NCAPD3: variants seen among roughly 807,000 people sequenced by gnomAD.
The protein encoded by NCAPD3 is non-SMC condensin II complex subunit D3, also known as condensin-2 complex subunit D3.
NCAPD3 carries 105 observed loss-of-function variants against 182.9 expected under a neutral mutation model. That is an observed-to-expected ratio of 0.57 (90% CI 0.49 to 0.68). The LOEUF (loss-of-function observed/expected upper bound fraction) is 0.68, where lower values mean the gene tolerates loss of function less well. Among genes scored for constraint, NCAPD3 ranks in the 30% least tolerant of loss-of-function variants. The pLI, the probability that NCAPD3 is intolerant of heterozygous loss-of-function variation, is 0.00. For missense variants in NCAPD3, 1,944 were observed against 1,837.0 expected (o/e 1.06, Z -1.07); for synonymous variants, 815 against 679.9 (o/e 1.20, Z -3.09).
chr11:134,156,504 CT>C (rs1421654578), intron 32 of NCAPD3, among the ~76,000 whole-genome samples: 1 of 152,202 alleles, frequency 6.6e-6, no homozygotes, highest in Non-Finnish European at 1.5e-5. Context: ...TAACTCACCT[CT>C]GTTTTGAAAT....
chr11:134,165,556 CACTT>C (rs1342433978), intron 27 of NCAPD3, among the ~76,000 whole-genome samples: 55 of 148,168 alleles, frequency 3.7e-4, no homozygotes, highest in South Asian at 1.5e-3. Context: ...GCAGCACACT[CACTT>C]GTGAGATGAG....
intron 29 of NCAPD3, 45 bp downstream of exon 29, chr11:134,159,847 G>A (rs745811999): frequency 2.5e-6 from 4 of 1,568,898 alleles, no homozygotes; most frequent in Admixed American, 1.8e-5. Flanking sequence ...GTAGCAGACA[G>A]CAGACTGGAC....
chr11:134,202,773 T>C (rs766644713), intron 13 of NCAPD3, 43 bp downstream of exon 13: 4 of 1,384,532 alleles, frequency 2.9e-6, no homozygotes, highest in Admixed American at 4.4e-5. Flanking sequence ...TTGTCTGAAA[T>C]CCAGCAGTAT....
intron 25 of NCAPD3, 121 bp from the exon 26 acceptor site, chr11:134,168,723 C>T (rs945228485): frequency 2.1e-6 from 3 of 1,421,286 alleles, no homozygotes; most frequent in Non-Finnish European, 1.9e-6. Context: ...TACAGAGATC[C>T]CAGTGCTCAT....
Position 134,178,809 on chromosome 11 carries a change from TC to T in NCAPD3, c.2674+12del. The T allele has an allele frequency of 6.2e-7, 1 of 1,613,736 alleles. No homozygotes were observed. Among genetic ancestry groups the T allele is most frequent in the Non-Finnish European group, 8.5e-7 (1 of 1,179,688 alleles). On this transcript the variant is annotated intron_variant, in intron 21 of 34. Coordinates refer to ENST00000534548, the MANE Select transcript of NCAPD3 (RefSeq NM_015261.3). Reference sequence around the variant, plus strand: ...GGCATGCGTGCTACAGAGTATGATTTCAAATGCCTTACAGTGGTCAGCATCA... The same window carrying T: ...GGCATGCGTGCTACAGAGTATGATTTAAATGCCTTACAGTGGTCAGCATCA...
rs1287934716 is a variant in NCAPD3, at chr11:134,184,911, T to C, written c.2327A>G (p.Lys776Arg). ...CTCCAGCAGACACTCACCAGTCACT[T>C]TGTCCCGGGTGCTCTTAGGAAGATG... ...AKHLPKSTRD[K>R]VTDAVKCKLN... is the part of the protein sequence containing the mutation. Residue 776 changes from lysine (K) to arginine (R), a missense_variant, in exon 18 of 35, where the codon AAA becomes AGA. By Grantham distance (26) the Lys-to-Arg change is conservative (BLOSUM62 2). Around this residue, in one of 3 missense-constraint regions of NCAPD3, gnomAD observed 1,803 missense variants for 1,674.6 expected, o/e 1.08. Transcript: ENST00000534548. 1.9e-6 allele frequency: 3 copies of C among 1,609,238 alleles called. No homozygotes were observed. Among genetic ancestry groups the C allele is most frequent in the South Asian group, 1.1e-5 (1 of 90,980 alleles).
intron 2 of NCAPD3, among the ~76,000 whole-genome samples, chr11:134,218,457 C>T (rs1306188876): frequency 6.6e-6 from 1 of 152,194 alleles, no homozygotes; most frequent in Non-Finnish European, 1.5e-5. Flanking sequence ...CCTGGTCTCA[C>T]ATTTCTACTA....
intron 7 of NCAPD3, 35 bp from the exon 8 acceptor site, chr11:134,206,767 A>G: frequency 6.3e-7 from 1 of 1,592,160 alleles, no homozygotes; most frequent in Non-Finnish European, 8.5e-7. Context: ...TTAAGATCGG[A>G]TGGAGAACAC....
chr11:134,167,618 T>G (rs1303088522), intron 27 of NCAPD3, among the ~76,000 whole-genome samples: 6 of 69,688 alleles, frequency 8.6e-5, no homozygotes, highest in African/African-American at 1.9e-4. Flanking sequence ...GAGATGAGCT[T>G]GGGGGAGGGG....
chr11:134,173,141 G>T lies in NCAPD3; in HGVS notation c.3101+3166C>A. 2.0e-5 allele frequency: 3 copies of T among 153,406 alleles called. No homozygotes were observed. The South Asian group carries it at 5.6e-4, about 29-fold the overall frequency. The allele number at this position is 153,406 out of a possible 1,614,324, so 9.5% of individuals were successfully genotyped here. A position where few individuals can be genotyped will look rare whatever the true frequency, so the allele number is the denominator to read the frequency against. On this transcript the variant is annotated intron_variant, in intron 24 of 34. Coordinates refer to ENST00000534548, the MANE Select transcript of NCAPD3 (RefSeq NM_015261.3). ...AGCCCCTGTGGCCAGCCTCAGAAGT[G>T]ACCATCGTCCAGATGCAGCCTGTGG... is the stretch of plus-strand genomic sequence containing the variant.
chr11:134,166,976 C>A (rs1206154590), intron 27 of NCAPD3, among the ~76,000 whole-genome samples: 1 of 119,964 alleles, frequency 8.3e-6, no homozygotes. Flanking sequence ...AGGGGAGCTG[C>A]ACACTCACTA....
chr11:134,225,015 G>C, upstream of NCAPD3: 1 of 1,082,808 alleles, frequency 9.2e-7, no homozygotes, highest in Non-Finnish European at 1.2e-6. Flanking sequence ...CCCCGCGGCG[G>C]CCGAGCGCGC....
intron 1 of NCAPD3, among the ~76,000 whole-genome samples, chr11:134,222,466 T>TCCTG (rs1326072484): frequency 6.6e-6 from 1 of 152,214 alleles, no homozygotes; most frequent in African/African-American, 2.4e-5. Context: ...GAGGCAAATA[T>TCCTG]CCTGACTTGA....
chr11:134,192,754 C>G lies in NCAPD3; in HGVS notation c.1980G>C (p.Gly660=). Residue 660 remains glycine (G), a synonymous_variant, in exon 16 of 35, where the codon GGG becomes GGC. Coordinates refer to ENST00000534548, the MANE Select transcript of NCAPD3 (RefSeq NM_015261.3). ...NIRHHSHFHS[G]DDSQVLAWAL... ...CCCAGGCGAGGACCTGGCTGTCGTC[C>G]CCAGAGTGAAAATGACTGTGATGCC... 1 of 1,614,202 alleles carries G rather than the reference C, an allele frequency of 6.2e-7. No individual in the cohort carries two copies. Among genetic ancestry groups the G allele is most frequent in the Non-Finnish European group, 8.5e-7 (1 of 1,180,044 alleles).
At chr11:134,200,939 T>C (rs1297891327) in intron 13 of NCAPD3, among the ~76,000 whole-genome samples, 4 of 152,232 alleles carry the variant, frequency 2.6e-5, no homozygotes, top group Middle Eastern at 3.4e-3. Flanking sequence ...TGAATGAGCC[T>C]TGAAAACACG....
Position 134,204,254 on chromosome 11 carries a change from C to A in NCAPD3, c.1090-83G>T. Reference sequence around the variant, plus strand: ...ATATTCTGTAATATAAGTTGAAAGTCAGTGAGTACAACTAGTTCAATGACC... The same window carrying A: ...ATATTCTGTAATATAAGTTGAAAGTAAGTGAGTACAACTAGTTCAATGACC... On this transcript the variant is annotated intron_variant, in intron 9 of 34. Coordinates refer to ENST00000534548, the MANE Select transcript of NCAPD3 (RefSeq NM_015261.3). The surrounding 1 kb of genome is among the most constrained non-coding windows in gnomAD (Gnocchi z 4.3). 2.0e-6 allele frequency: 3 copies of A among 1,471,880 alleles called. No individual in the cohort carries two copies. The highest frequency in any genetic ancestry group is 2.5e-5 in the South Asian group (2 of 80,622). The allele number at this position is 1,471,880 out of a possible 1,614,324, so 91.2% of individuals were successfully genotyped here. A position where few individuals can be genotyped will look rare whatever the true frequency, so the allele number is the denominator to read the frequency against.
At position 134,195,415 on chromosome 11, in the gene NCAPD3, T is replaced by G. The variant is rs75835382; in HGVS notation, c.1616-677A>C. 3.4e-3 allele frequency among the ~76,000 whole-genome samples: 517 copies of G among 152,298 alleles called. 2 individuals are homozygous for G. The highest frequency in any genetic ancestry group is 0.011 in the African/African-American group (473 of 41,562). ...CGCCCAGCCTTGAGGCTTCTTTATA[T>G]TCTTAAAAATTACTGAGGACCCTAA... On this transcript the variant is annotated intron_variant, in intron 13 of 34. Coordinates refer to ENST00000534548, the MANE Select transcript of NCAPD3 (RefSeq NM_015261.3).
chr11:134,195,122 CAG>C (rs1275086060), intron 13 of NCAPD3, among the ~76,000 whole-genome samples: 11 of 152,126 alleles, frequency 7.2e-5, no homozygotes, highest in Admixed American at 6.6e-5. Context: ...TTATAAGAGA[CAG>C]GGGTCTCATT....
Position 134,152,716 on chromosome 11 carries a change from G to T in NCAPD3, c.*228C>A. 2.2e-6 allele frequency: 1 copy of T among 449,224 alleles called. No homozygotes were observed. The highest frequency in any genetic ancestry group is 3.3e-5 in the East Asian group (1 of 30,204). 27.8% of individuals were successfully genotyped at this position (449,224 alleles called of 1,614,324 possible). ...TAAAGTTACAATATTAAACAGATTA[G>T]GGTAAGAAAATCTAAATCTGGCACA... On this transcript the variant is annotated 3_prime_UTR_variant, in exon 35 of 35. Coordinates refer to ENST00000534548, the MANE Select transcript of NCAPD3 (RefSeq NM_015261.3).
Sources: gnomAD v4.1 joint callset for allele counts (sites outside exome capture counted in the v4.1 genomes callset) on GRCh38, gnomAD v4.1.1 for gene constraint, gnomAD v4.1.1 regional missense constraint, Gnocchi (gnomAD v3.1) non-coding constraint, MANE v1.5 for transcripts, NCBI Gene and HGNC (gene_info 2026-07-23, HGNC 2026-07-21) for gene names.